The following ZBTB20 variants were observed in gnomAD, a reference collection of about 807,000 sequenced individuals.
ZBTB20 encodes the protein zinc finger and BTB domain-containing protein 20.
ZBTB20 carries 9 observed loss-of-function variants against 56.9 expected under a neutral mutation model. The ratio of observed to expected loss-of-function variants is 0.16; its 90% CI spans 0.10 to 0.28. ZBTB20 has a LOEUF of 0.28. ZBTB20 is among the 10% of genes least tolerant of loss of function. The pLI is 1.00. For synonymous variants in ZBTB20, 417 were observed against 420.7 expected (o/e 0.99, Z 0.11); for missense variants, 655 against 1,003.0 (o/e 0.65, Z 4.69).
intron 1 of ZBTB20, among the ~76,000 whole-genome samples, chr3:115,112,673 T>C (rs1004440675): frequency 1.3e-5 from 2 of 152,220 alleles, no homozygotes; most frequent in South Asian, 2.1e-4. Context: ...TGTGTGTATA[T>C]ATGCCACATT....
intron 4 of ZBTB20, among the ~76,000 whole-genome samples, chr3:114,842,730 C>G (rs993031065): frequency 2.0e-5 from 3 of 152,142 alleles, no homozygotes; most frequent in South Asian, 2.1e-4. Context: ...ATTCAACCAA[C>G]GAATTTAGAA....
intron 6 of ZBTB20, among the ~76,000 whole-genome samples, chr3:114,532,683 C>G (rs973013614): frequency 6.6e-6 from 1 of 152,218 alleles, no homozygotes; most frequent in African/African-American, 2.4e-5. Flanking sequence ...ACCCCCATGC[C>G]TCCTCACTGG....
intron 2 of ZBTB20, among the ~76,000 whole-genome samples, chr3:115,010,780 C>T (rs985952197): frequency 2.6e-5 from 4 of 151,924 alleles, no homozygotes; most frequent in African/African-American, 9.7e-5. Context: ...AATGACATGA[C>T]ATCCCCGTAT....
chr3:114,661,152 CTG>C (rs1444540990), intron 6 of ZBTB20, among the ~76,000 whole-genome samples: 1 of 152,044 alleles, frequency 6.6e-6, no homozygotes, highest in Admixed American at 6.6e-5. Flanking sequence ...CTCAGTGTCT[CTG>C]TAATTCTTTG....
At chr3:114,700,478 G>A (rs972028409) in intron 5 of ZBTB20, among the ~76,000 whole-genome samples, 5 of 152,002 alleles carry the variant, frequency 3.3e-5, no homozygotes, top group Admixed American at 2.6e-4. Flanking sequence ...GAAAACTTGG[G>A]GGCTAGCATT....
intron 4 of ZBTB20, among the ~76,000 whole-genome samples, chr3:114,811,269 C>A (rs1354825017): frequency 5.3e-5 from 8 of 152,160 alleles, no homozygotes; most frequent in Non-Finnish European, 8.8e-5. Flanking sequence ...TGGGAACACA[C>A]AAAGGGAATA....
chr3:114,560,713 G>A (rs2051914756), intron 6 of ZBTB20, among the ~76,000 whole-genome samples: 1 of 152,162 alleles, frequency 6.6e-6, no homozygotes, highest in Non-Finnish European at 1.5e-5. Flanking sequence ...CTTTTTGCTG[G>A]TGGAGGGTCT....
intron 2 of ZBTB20, among the ~76,000 whole-genome samples, chr3:114,977,702 A>G (rs955766807): frequency 2.6e-5 from 4 of 152,164 alleles, no homozygotes; most frequent in Non-Finnish European, 5.9e-5. Flanking sequence ...GAAAATACAT[A>G]TGTATAATTT....
At chr3:114,882,277 G>C (rs2076428085) in intron 4 of ZBTB20, among the ~76,000 whole-genome samples, 1 of 151,920 alleles carries the variant, frequency 6.6e-6, no homozygotes, top group Non-Finnish European at 1.5e-5. Context: ...TCACTTTTCT[G>C]ATTAGGAAAA....
chr3:114,955,199 C>A lies in ZBTB20; in HGVS notation c.-456+19167G>T, dbSNP rs761885444. ...GAAAGAATTCTGATAACTCCAGCTC[C>A]AGAGATTCTTGGACAAGTTACTAAA... On this transcript the variant is annotated intron_variant, in intron 3 of 11. Coordinates refer to ENST00000675478, the MANE Select transcript of ZBTB20 (RefSeq NM_001348800.3). 4.6e-5 allele frequency among the ~76,000 whole-genome samples: 7 copies of A among 152,150 alleles called. No individual in the cohort carries two copies. The East Asian group carries it at 1.3e-3, about 29-fold the overall frequency.
At chr3:114,573,197 C>T (rs984117166) in intron 6 of ZBTB20, among the ~76,000 whole-genome samples, 4 of 152,080 alleles carry the variant, frequency 2.6e-5, no homozygotes, top group South Asian at 2.1e-4. Context: ...TAGTGGCTCA[C>T]GCCTGTAATT....
At chr3:114,344,074 C>T (rs1293621906) in intron 11 of ZBTB20, among the ~76,000 whole-genome samples, 1 of 152,076 alleles carries the variant, frequency 6.6e-6, no homozygotes, top group Non-Finnish European at 1.5e-5. Flanking sequence ...GGCCCACACA[C>T]CTGAGATATC....
chr3:114,883,068 G>A (rs115104986), intron 4 of ZBTB20, among the ~76,000 whole-genome samples: 3,563 of 152,186 alleles, frequency 0.023, 50 homozygotes, highest in South Asian at 0.051. Context: ...TTAGCTCAAA[G>A]AATAATCTGT....
At chr3:114,667,230 A>G (rs1020940305) in intron 6 of ZBTB20, among the ~76,000 whole-genome samples, 1 of 152,030 alleles carries the variant, frequency 6.6e-6, no homozygotes, top group Admixed American at 6.6e-5. Flanking sequence ...ATGGGATAAA[A>G]CACAAATTGC....
chr3:115,085,239 T>C (rs753210210), intron 1 of ZBTB20, among the ~76,000 whole-genome samples: 6 of 151,948 alleles, frequency 3.9e-5, no homozygotes, highest in East Asian at 1.9e-4. Flanking sequence ...TTGGGTGAAT[T>C]TGGTGCTCAT....
chr3:114,768,008 A>C (rs2068904205), intron 5 of ZBTB20, among the ~76,000 whole-genome samples: 1 of 152,144 alleles, frequency 6.6e-6, no homozygotes, highest in African/African-American at 2.4e-5. Flanking sequence ...ATACATTTTC[A>C]AAGGGCTTAT....
intron 3 of ZBTB20, chr3:114,931,315 C>T: frequency 5.0e-6 from 1 of 200,372 alleles, no homozygotes. Context: ...ATATCAGCAG[C>T]GACCTCAACA....
intron 11 of ZBTB20, among the ~76,000 whole-genome samples, chr3:114,344,738 C>A (rs1377754981): frequency 1.3e-5 from 2 of 152,194 alleles, no homozygotes; most frequent in Non-Finnish European, 2.9e-5. Flanking sequence ...GTCCAAGCTC[C>A]ATATGAGGAT....
intron 6 of ZBTB20, among the ~76,000 whole-genome samples, chr3:114,662,544 C>A (rs1338137499): frequency 2.8e-5 from 4 of 143,604 alleles, no homozygotes; most frequent in African/African-American, 7.9e-5. Flanking sequence ...GTTCCTATTT[C>A]TCCACATCCT....
Sources: gnomAD v4.1 joint callset for allele counts (sites outside exome capture counted in the v4.1 genomes callset) on GRCh38, gnomAD v4.1.1 for gene constraint, MANE v1.5 for transcripts, NCBI Gene and HGNC (gene_info 2026-07-23, HGNC 2026-07-21) for gene names.